ZDHHC17: variants seen among roughly 807,000 people sequenced by gnomAD.
ZDHHC17 encodes the protein palmitoyltransferase ZDHHC17.
In ZDHHC17, 40 loss-of-function variants were observed where a neutral mutation model predicts 90.3. The observed-to-expected ratio is 0.44, with a 90% CI of 0.34 to 0.58. ZDHHC17 has a LOEUF of 0.58. Among genes scored for constraint, ZDHHC17 ranks in the 20% least tolerant of loss-of-function variants. The pLI is 0.01. For synonymous variants in ZDHHC17, 235 were observed against 252.4 expected (o/e 0.93, Z 0.65); for missense variants, 614 against 780.8 (o/e 0.79, Z 2.55).
rs763269507 is a variant in ZDHHC17 at position 76,788,688 on chromosome 12, ATTTTTTTTTTT to A, written c.94-8730_94-8720del. On this transcript the variant is annotated intron_variant, in intron 1 of 16. Coordinates refer to ENST00000426126, the MANE Select transcript of ZDHHC17 (RefSeq NM_015336.4). ...AAAATATATTTAAGTTGGAATCGCAATTTTTTTTTTTTTTTTTTTTTTTTTTGAGCAGAGTT... is the reference window on the plus strand; with the variant it reads ...AAAATATATTTAAGTTGGAATCGCAATTTTTTTTTTTTTTTGAGCAGAGTT... Among the ~76,000 whole-genome samples the A allele has an allele frequency of 2.1e-4, 21 of 98,668 alleles. 2 individuals carry two copies. Among genetic ancestry groups the A allele is most frequent in the South Asian group, 3.4e-4 (1 of 2,906 alleles). 64.7% of individuals were successfully genotyped at this position (98,668 alleles called of 152,430 possible). A position where few individuals can be genotyped will look rare whatever the true frequency, so the allele number is the denominator to read the frequency against.
chr12:76,827,710 A>T (rs1592491039), intron 9 of ZDHHC17, among the ~76,000 whole-genome samples: 1 of 152,112 alleles, frequency 6.6e-6, no homozygotes, highest in African/African-American at 2.4e-5. Flanking sequence ...CACAGAGATG[A>T]GAATGACTAG....
In ZDHHC17 at chr12:76,852,399, CTTTG is replaced by C. The variant is rs1953577756; in HGVS notation, c.*1416_*1419del. 2.0e-5 allele frequency: 3 copies of C among 152,624 alleles called. No homozygotes were observed. The South Asian group carries it at 6.2e-4, about 32-fold the overall frequency. 9.5% of individuals were successfully genotyped at this position (152,624 alleles called of 1,614,324 possible). On this transcript the variant is annotated 3_prime_UTR_variant, in exon 17 of 17. Transcript: ENST00000426126. Reference sequence around the variant, plus strand: ...TAAATAATTTATCAAATAGTTTTCTCTTTGTGTCTGTGTTAGTGTTTTTAAAGCT... The same window carrying C: ...TAAATAATTTATCAAATAGTTTTCTCTGTCTGTGTTAGTGTTTTTAAAGCT...
intron 1 of ZDHHC17, among the ~76,000 whole-genome samples, chr12:76,779,858 A>G (rs1387813616): frequency 6.6e-6 from 1 of 151,930 alleles, no homozygotes; most frequent in Non-Finnish European, 1.5e-5. Flanking sequence ...TGTGAAAGTT[A>G]AGGTTGAGCT....
intron 1 of ZDHHC17, among the ~76,000 whole-genome samples, chr12:76,765,853 A>C (rs1952423937): frequency 1.3e-5 from 2 of 152,058 alleles, no homozygotes; most frequent in Admixed American, 1.3e-4. Flanking sequence ...GGCTCGCGCC[A>C]CCATACCCGG....
Position 76,851,030 on chromosome 12 carries a change from A to G in ZDHHC17, c.*45A>G. The stretch of plus-strand genomic sequence containing the variant: ...GCATATTGCTGAGTGGTGCCTGAAA[A>G]TTGTGTCTGTCCGTGTCTTTCTCAC... On this transcript the variant is annotated 3_prime_UTR_variant, in exon 17 of 17. Coordinates refer to ENST00000426126, the MANE Select transcript of ZDHHC17 (RefSeq NM_015336.4). 6.2e-7 allele frequency: 1 copy of G among 1,611,468 alleles called. No homozygotes were observed. Among genetic ancestry groups the G allele is most frequent in the Non-Finnish European group, 8.5e-7 (1 of 1,178,796 alleles).
intron 1 of ZDHHC17, among the ~76,000 whole-genome samples, chr12:76,788,828 C>G (rs1031361961): frequency 6.6e-6 from 1 of 151,038 alleles, no homozygotes; most frequent in Admixed American, 6.6e-5. Context: ...TGTCGAGTGG[C>G]TGGGATTACA....
chr12:76,801,854 A>G (rs1026365013), intron 2 of ZDHHC17, among the ~76,000 whole-genome samples: 3 of 152,206 alleles, frequency 2.0e-5, no homozygotes, highest in African/African-American at 7.2e-5. Context: ...TTTTAAATGC[A>G]TTGGTCTCTA....
At chr12:76,781,554 G>GT in intron 1 of ZDHHC17, 1 of 450,918 alleles carries the variant, frequency 2.2e-6, no homozygotes, top group Non-Finnish European at 4.4e-6. Context: ...GGTTCTAAAA[G>GT]TAAGTTTAGT....
At chr12:76,797,791 A>G (rs1479733676) in intron 2 of ZDHHC17, among the ~76,000 whole-genome samples, 1 of 152,138 alleles carries the variant, frequency 6.6e-6, no homozygotes, top group Admixed American at 6.5e-5. Context: ...AAAAATACAA[A>G]AAATTAGCCA....
intron 4 of ZDHHC17, 141 bp from the exon 5 acceptor site, chr12:76,809,572 T>G: frequency 1.6e-6 from 1 of 624,924 alleles, no homozygotes; most frequent in Non-Finnish European, 2.4e-6. Context: ...CTAAATGTAT[T>G]TTGACATGTA....
chr12:76,849,706 T>G (rs1953540100), intron 16 of ZDHHC17: 2 of 298,188 alleles, frequency 6.7e-6, no homozygotes, highest in Non-Finnish European at 1.2e-5. Context: ...TTGTATTCAG[T>G]CTGGTGCTTA....
At chr12:76,799,087 T>C (rs865897369) in intron 2 of ZDHHC17, among the ~76,000 whole-genome samples, 2 of 152,046 alleles carry the variant, frequency 1.3e-5, no homozygotes, top group African/African-American at 2.4e-5. Context: ...CAGTGAGATA[T>C]AGTCATGCCA....
At chr12:76,846,033 T>G (rs186491770) in intron 13 of ZDHHC17, among the ~76,000 whole-genome samples, 1 of 152,088 alleles carries the variant, frequency 6.6e-6, no homozygotes, top group African/African-American at 2.4e-5. Flanking sequence ...CTACTCTTGA[T>G]AAGGAGGCAA....
At position 76,805,322 on chromosome 12, in the gene ZDHHC17, G is replaced by T; in HGVS notation, c.203G>T (p.Gly68Val). ...ATATTTTCTTTCTTTTCTAGATATG[G>T]AATATATGAACGCTGTCGAGAATTG... ...TWDIVKATQY[G>V]IYERCRELVE... Residue 68 changes from glycine to valine, a missense_variant, in exon 3 of 17, where the codon GGA (glycine) becomes GTA (valine). Around this residue, in one of 5 missense-constraint regions of ZDHHC17, gnomAD observed 358 missense variants for 380.4 expected, o/e 0.94. Transcript: ENST00000426126. 6.3e-7 allele frequency: 1 copy of T among 1,595,774 alleles called. No individual in the cohort carries two copies. Among genetic ancestry groups the T allele is most frequent in the South Asian group, 1.1e-5 (1 of 88,172 alleles).
At chr12:76,815,696 AGAATATTGTCTCATTATTGATTTT>A (rs1953078655) in intron 6 of ZDHHC17, among the ~76,000 whole-genome samples, 137 bp from the exon 7 acceptor site, 1 of 152,062 alleles carries the variant, frequency 6.6e-6, no homozygotes, top group South Asian at 2.1e-4. Flanking sequence ...ACTTCATATT[AGAATATTGTCTCATTATTGATTTT>A]AAAGTTGTTG....
chr12:76,764,528 C>T, intron 1 of ZDHHC17, 199 bp downstream of exon 1: 1 of 591,028 alleles, frequency 1.7e-6, no homozygotes, highest in Non-Finnish European at 3.0e-6. Flanking sequence ...CCGACCGGGG[C>T]GGGCTCTGGG....
intron 4 of ZDHHC17, among the ~76,000 whole-genome samples, chr12:76,809,451 T>A (rs938281604): frequency 7.2e-5 from 11 of 152,076 alleles, no homozygotes; most frequent in Admixed American, 1.3e-4. Flanking sequence ...AATATTAGAA[T>A]GGACATAATA....
intron 1 of ZDHHC17, among the ~76,000 whole-genome samples, chr12:76,784,815 C>T (rs369534827): frequency 3.3e-5 from 5 of 152,182 alleles, no homozygotes; most frequent in African/African-American, 1.2e-4. Context: ...GAAGACAAAG[C>T]ACAGTCAAAG....
At chr12:76,819,419 T>C (rs996833227) in intron 7 of ZDHHC17, among the ~76,000 whole-genome samples, 1 of 152,164 alleles carries the variant, frequency 6.6e-6, no homozygotes, top group Admixed American at 6.5e-5. Context: ...TTGATAATAG[T>C]GGATTGTAAC....
Sources: gnomAD v4.1 joint callset for allele counts (sites outside exome capture counted in the v4.1 genomes callset) on GRCh38, gnomAD v4.1.1 for gene constraint, gnomAD v4.1.1 regional missense constraint, MANE v1.5 for transcripts, NCBI Gene and HGNC (gene_info 2026-07-23, HGNC 2026-07-21) for gene names.